Variants in PDZRN4 observed in about 807,000 individuals in gnomAD.
PDZRN4 encodes PDZ domain containing ring finger 4.
PDZRN4 carries 70 observed loss-of-function variants against 99.0 expected under a neutral mutation model. That is an observed-to-expected ratio of 0.71 (90% CI 0.58 to 0.86). The LOEUF (loss-of-function observed/expected upper bound fraction) is 0.86. PDZRN4 is among the 40% of genes least tolerant of loss of function. The pLI, the probability that PDZRN4 is intolerant of heterozygous loss-of-function variation, is 0.00. For missense variants in PDZRN4, 1,474 were observed against 1,331.2 expected, an observed-to-expected ratio of 1.11 and a Z score of -1.67; for synonymous variants, 551 against 501.6, an observed-to-expected ratio of 1.10 and a Z score of -1.32.
intron 1 of PDZRN4, among the ~76,000 whole-genome samples, chr12:41,190,985 A>G (rs779418557): frequency 8.5e-5 from 13 of 152,238 alleles, no homozygotes; most frequent in East Asian, 1.9e-4. Flanking sequence ...CAACAGCAAC[A>G]TGAATGTTAT....
At chr12:41,335,431 T>G (rs1951766386) in intron 3 of PDZRN4, among the ~76,000 whole-genome samples, 1 of 152,060 alleles carries the variant, frequency 6.6e-6, no homozygotes, top group East Asian at 1.9e-4. Context: ...AATGTTGTAC[T>G]TTTTCTTATA....
At chr12:41,235,752 G>A (rs934627955) in intron 3 of PDZRN4, among the ~76,000 whole-genome samples, 1 of 152,158 alleles carries the variant, frequency 6.6e-6, no homozygotes, top group Admixed American at 6.5e-5. Flanking sequence ...TGGCATACAG[G>A]CAATCAGTTT....
intron 3 of PDZRN4, among the ~76,000 whole-genome samples, chr12:41,418,288 G>T (rs1952460520): frequency 6.6e-6 from 1 of 152,168 alleles, no homozygotes; most frequent in Non-Finnish European, 1.5e-5. Flanking sequence ...TTAATTGAAA[G>T]TAGAGTGTCA....
At chr12:41,367,577 T>C (rs1456989918) in intron 3 of PDZRN4, among the ~76,000 whole-genome samples, 3 of 151,964 alleles carry the variant, frequency 2.0e-5, no homozygotes, top group Admixed American at 1.3e-4. Flanking sequence ...TGTAGAAGCC[T>C]ACAGTGTCTC....
chr12:41,206,459 C>A (rs1283376957), intron 3 of PDZRN4, among the ~76,000 whole-genome samples: 1 of 151,434 alleles, frequency 6.6e-6, no homozygotes, highest in Admixed American at 6.6e-5. Flanking sequence ...GTGTATTGGC[C>A]ATTTCAGTCT....
intron 3 of PDZRN4, among the ~76,000 whole-genome samples, chr12:41,353,846 A>G (rs1951908440): frequency 6.6e-6 from 1 of 152,122 alleles, no homozygotes; most frequent in African/African-American, 2.4e-5. Flanking sequence ...AAGAATTATA[A>G]CAAGTGCAAG....
chr12:41,198,912 C>A (rs1950796417), intron 3 of PDZRN4, among the ~76,000 whole-genome samples: 2 of 152,078 alleles, frequency 1.3e-5, no homozygotes, highest in South Asian at 4.1e-4. Context: ...TCTTTTATTT[C>A]TGTAATGTTA....
At chr12:41,204,355 A>G (rs1950834844) in intron 3 of PDZRN4, among the ~76,000 whole-genome samples, 9 of 152,144 alleles carry the variant, frequency 5.9e-5, no homozygotes, top group Admixed American at 5.9e-4. Flanking sequence ...CCCTCTGGAC[A>G]GGAGAGTTCC....
intron 6 of PDZRN4, 79 bp downstream of exon 6, chr12:41,552,833 C>T: frequency 1.8e-6 from 2 of 1,111,548 alleles, no homozygotes; most frequent in Non-Finnish European, 2.7e-6. Flanking sequence ...TGAGAAAACC[C>T]TTCCTTCAGA....
chr12:41,559,931 G>A (rs150921732), intron 7 of PDZRN4, among the ~76,000 whole-genome samples: 1 of 152,184 alleles, frequency 6.6e-6, no homozygotes, highest in East Asian at 1.9e-4. Context: ...ACCCTGTGAA[G>A]AGGTGCCTTC....
intron 5 of PDZRN4, among the ~76,000 whole-genome samples, chr12:41,518,788 C>CA (rs1360876714): frequency 6.6e-6 from 1 of 151,338 alleles, no homozygotes; most frequent in East Asian, 2.0e-4. Flanking sequence ...CCCGTATCTA[C>CA]AAAAAAAATA....
chr12:41,479,252 G>A (rs983968517), intron 3 of PDZRN4, among the ~76,000 whole-genome samples: 1 of 152,154 alleles, frequency 6.6e-6, no homozygotes, highest in Non-Finnish European at 1.5e-5. Context: ...ATCCTCTTGA[G>A]ATTGGAATAG....
At chr12:41,464,820 C>CT (rs5797739) in intron 3 of PDZRN4, among the ~76,000 whole-genome samples, 20,224 of 104,774 alleles carry the variant, frequency 0.19, 3,009 homozygotes, top group African/African-American at 0.37. Context: ...GCCTGTTGTA[C>CT]TTTTTTTTTT....
intron 3 of PDZRN4, among the ~76,000 whole-genome samples, chr12:41,206,674 G>A (rs1484173418): frequency 6.6e-6 from 1 of 151,814 alleles, no homozygotes; most frequent in Non-Finnish European, 1.5e-5. Flanking sequence ...CAAGGGTAAA[G>A]CAAATCTAGC....
intron 3 of PDZRN4, among the ~76,000 whole-genome samples, chr12:41,392,568 T>A (rs1006528999): frequency 4.6e-5 from 7 of 152,178 alleles, no homozygotes; most frequent in African/African-American, 1.7e-4. Flanking sequence ...TGGACTTGTG[T>A]TCACACCATT....
chr12:41,221,729 T>C (rs1254174943), intron 3 of PDZRN4, among the ~76,000 whole-genome samples: 1 of 151,926 alleles, frequency 6.6e-6, no homozygotes, highest in Admixed American at 6.6e-5. Context: ...TGATTAAGGG[T>C]GTGTGTGGCC....
intron 3 of PDZRN4, among the ~76,000 whole-genome samples, chr12:41,268,188 AT>A (rs1951291529): frequency 6.6e-6 from 1 of 152,150 alleles, no homozygotes; most frequent in African/African-American, 2.4e-5. Flanking sequence ...TTTTGTTTAA[AT>A]CCCCAAACAC....
intron 3 of PDZRN4, among the ~76,000 whole-genome samples, chr12:41,422,036 G>C (rs1359353725): frequency 2.0e-5 from 3 of 152,098 alleles, no homozygotes; most frequent in African/African-American, 7.2e-5. Flanking sequence ...TGAATAAGTA[G>C]ATGAATTTAA....
chr12:41,409,822 C>A (rs1952380873), intron 3 of PDZRN4: 1 of 152,136 alleles, frequency 6.6e-6, no homozygotes, highest in South Asian at 2.1e-4. Context: ...AGGAACTTCT[C>A]CTGCTTCTTC....
Sources: allele counts gnomAD v4.1 joint callset (sites outside exome capture counted in the v4.1 genomes callset), GRCh38; gene constraint gnomAD v4.1.1; transcripts MANE v1.5; gene names NCBI Gene and HGNC (gene_info 2026-07-23, HGNC 2026-07-21).